USP46: variants seen among roughly 807,000 people sequenced by gnomAD.
USP46 encodes ubiquitin carboxyl-terminal hydrolase 46.
In USP46, 12 loss-of-function variants were observed where a neutral mutation model predicts 44.4. That is an observed-to-expected ratio of 0.27 (90% confidence interval 0.17 to 0.44). USP46 has a LOEUF of 0.44. USP46 is among the 20% of genes least tolerant of loss of function. USP46 has a pLI of 1.00. For synonymous variants in USP46, 155 were observed against 161.5 expected, an observed-to-expected ratio of 0.96 and a Z score of 0.31; for missense variants, 248 against 444.8, an observed-to-expected ratio of 0.56 and a Z score of 3.98.
chr4:52,658,931 G>A (rs946419312), intron 1 of USP46, among the ~76,000 whole-genome samples, 184 bp downstream of exon 1: 1 of 151,624 alleles, frequency 6.6e-6, no homozygotes, highest in Non-Finnish European at 1.5e-5. Context: ...CCGGGGGCTC[G>A]GGGACCCTCC....
intron 1 of USP46, among the ~76,000 whole-genome samples, chr4:52,632,998 GAA>G (rs1197456720): frequency 4.4e-5 from 5 of 112,622 alleles, no homozygotes; most frequent in African/African-American, 1.5e-4. Context: ...AGAAAAGAAA[GAA>G]AGAAAGAAAG....
chr4:52,630,833 T>C (rs1040456237), intron 2 of USP46, among the ~76,000 whole-genome samples: 63 of 151,888 alleles, frequency 4.1e-4, no homozygotes, highest in African/African-American at 1.5e-3. Context: ...CCTTAAAGCA[T>C]GGGGGGAAAA....
intron 4 of USP46, among the ~76,000 whole-genome samples, chr4:52,623,498 C>A (rs1045597403): frequency 5.3e-5 from 8 of 152,034 alleles, no homozygotes; most frequent in African/African-American, 1.9e-4. Flanking sequence ...GTCAAGGATG[C>A]ATGTTGTAAT....
chr4:52,619,319 A>T (rs1460778517), intron 4 of USP46, among the ~76,000 whole-genome samples: 1 of 152,192 alleles, frequency 6.6e-6, no homozygotes, highest in Non-Finnish European at 1.5e-5. Context: ...AAAAAAGAAA[A>T]AGAAAATCAT....
intron 1 of USP46, among the ~76,000 whole-genome samples, chr4:52,655,068 T>C (rs564911912): frequency 6.6e-6 from 1 of 152,350 alleles, no homozygotes; most frequent in South Asian, 2.1e-4. Context: ...CATGTCCTCA[T>C]ATAAAATAAA....
intron 1 of USP46, chr4:52,658,103 C>T (rs1719021686): frequency 2.4e-6 from 1 of 418,796 alleles, no homozygotes; most frequent in South Asian, 1.7e-5. Flanking sequence ...TCCGGGGACC[C>T]GCTTGGGAGG....
chr4:52,654,339 G>A (rs1718878288), intron 1 of USP46, among the ~76,000 whole-genome samples: 1 of 152,100 alleles, frequency 6.6e-6, no homozygotes, highest in South Asian at 2.1e-4. Flanking sequence ...AGAGGAAAAG[G>A]CAAGATATCT....
intron 1 of USP46, among the ~76,000 whole-genome samples, chr4:52,647,287 C>T (rs1247397068): frequency 6.6e-6 from 1 of 152,148 alleles, no homozygotes; most frequent in Non-Finnish European, 1.5e-5. Context: ...AACACAGTTG[C>T]TTGTATATGC....
At chr4:52,645,263 C>T (rs1481829389) in intron 1 of USP46, among the ~76,000 whole-genome samples, 2 of 150,512 alleles carry the variant, frequency 1.3e-5, no homozygotes, top group Non-Finnish European at 3.0e-5. Flanking sequence ...AACATGACTT[C>T]ATTTAATAAT....
intron 1 of USP46, among the ~76,000 whole-genome samples, chr4:52,644,928 G>A (rs188535628): frequency 1.2e-4 from 18 of 152,046 alleles, no homozygotes; most frequent in African/African-American, 3.6e-4. Flanking sequence ...GTGGTGGCAC[G>A]CGCCTGTAAG....
intron 2 of USP46, chr4:52,628,390 C>T (rs2109632697): frequency 2.0e-6 from 1 of 491,196 alleles, no homozygotes; most frequent in East Asian, 3.1e-5. Context: ...GCTTCTCTAG[C>T]CCATCAAAGT....
intron 4 of USP46, among the ~76,000 whole-genome samples, chr4:52,619,735 T>TC (rs1374408644): frequency 6.6e-6 from 1 of 152,176 alleles, no homozygotes; most frequent in East Asian, 1.9e-4. Flanking sequence ...GGAGATTGAT[T>TC]CCCTGCCTCT....
At chr4:52,624,706 G>A (rs1485852571) in intron 4 of USP46, among the ~76,000 whole-genome samples, 3 of 152,150 alleles carry the variant, frequency 2.0e-5, no homozygotes, top group Non-Finnish European at 4.4e-5. Flanking sequence ...ATCTCTAATA[G>A]GATGGTATTT....
At chr4:52,619,562 G>A (rs1359231659) in intron 4 of USP46, among the ~76,000 whole-genome samples, 1 of 152,192 alleles carries the variant, frequency 6.6e-6, no homozygotes, top group Admixed American at 6.5e-5. Flanking sequence ...GAGGCTCCCT[G>A]TTTTTCATCC....
At chr4:52,640,618 T>G (rs1718299426) in intron 1 of USP46, among the ~76,000 whole-genome samples, 1 of 151,546 alleles carries the variant, frequency 6.6e-6, no homozygotes, top group African/African-American at 2.4e-5. Flanking sequence ...CTGACCAACA[T>G]GGAGAAACTC....
chr4:52,602,176 C>A, intron 6 of USP46, 122 bp from the exon 7 acceptor site: 2 of 1,105,686 alleles, frequency 1.8e-6, no homozygotes, highest in Non-Finnish European at 2.6e-6. Context: ...AGCAAACAAC[C>A]AAACAGTTTG....
intron 4 of USP46, among the ~76,000 whole-genome samples, chr4:52,622,750 G>A (rs779293761): frequency 2.6e-5 from 4 of 152,258 alleles, no homozygotes; most frequent in South Asian, 2.1e-4. Flanking sequence ...GGCCTCTCTC[G>A]GGTTTTAACA....
intron 4 of USP46, among the ~76,000 whole-genome samples, chr4:52,614,603 G>T (rs539207569): frequency 6.6e-6 from 1 of 152,286 alleles, no homozygotes; most frequent in Admixed American, 6.5e-5. Flanking sequence ...AGAATTCATT[G>T]ATATAAGAGA....
chr4:52,640,398 A>G (rs1332547501), intron 1 of USP46, among the ~76,000 whole-genome samples: 2 of 152,196 alleles, frequency 1.3e-5, no homozygotes, highest in African/African-American at 4.8e-5. Context: ...TTGAGAGATT[A>G]TAACAGTGGT....
Sources: allele counts gnomAD v4.1 joint callset (sites outside exome capture counted in the v4.1 genomes callset), GRCh38; gene constraint gnomAD v4.1.1; transcripts MANE v1.5; gene names NCBI Gene and HGNC (gene_info 2026-07-23, HGNC 2026-07-21).